RALGAPA1: variants seen among roughly 807,000 people sequenced by gnomAD.
RALGAPA1 encodes the protein ral GTPase-activating protein subunit alpha-1.
In RALGAPA1, 52 loss-of-function variants were observed where a neutral mutation model predicts 269.6. The observed-to-expected ratio is 0.19, with a 90% CI of 0.15 to 0.24. The LOEUF is 0.24. RALGAPA1 is among the 10% of genes least tolerant of loss of function. The pLI is 1.00. For missense variants in RALGAPA1, 1,917 were observed against 3,013.9 expected (o/e 0.64, Z 8.52); for synonymous variants, 817 against 1,008.3 (o/e 0.81, Z 3.60).
intron 41 of RALGAPA1, among the ~76,000 whole-genome samples, chr14:35,547,444 C>T (rs1311805184): frequency 6.6e-6 from 1 of 152,084 alleles, no homozygotes; most frequent in African/African-American, 2.4e-5. Flanking sequence ...GAGAACTGAA[C>T]AGCCTTTATC....
At chr14:35,620,282 C>G (rs1419435722) in intron 35 of RALGAPA1, among the ~76,000 whole-genome samples, 1 of 152,074 alleles carries the variant, frequency 6.6e-6, no homozygotes, top group Non-Finnish European at 1.5e-5. Flanking sequence ...TTAATAGATG[C>G]AGAAAAGGCC....
chr14:35,551,666 AATGTAGTAAAT>A (rs1396943080), intron 39 of RALGAPA1, among the ~76,000 whole-genome samples: 24 of 152,174 alleles, frequency 1.6e-4, no homozygotes. Flanking sequence ...GGATATTTCC[AATGTAGTAAAT>A]TCATCAAAGC....
chr14:35,675,486 C>A (rs1039392303), intron 22 of RALGAPA1, among the ~76,000 whole-genome samples: 1 of 152,168 alleles, frequency 6.6e-6, no homozygotes, highest in Non-Finnish European at 1.5e-5. Flanking sequence ...GAAAAATAAA[C>A]ATTTTAACTA....
chr14:35,595,282 C>T (rs1460424261), intron 37 of RALGAPA1, among the ~76,000 whole-genome samples: 5 of 151,852 alleles, frequency 3.3e-5, no homozygotes, highest in African/African-American at 4.8e-5. Flanking sequence ...TTTAGCTGTT[C>T]TTGTCATACA....
chr14:35,699,895 C>CAA (rs34255458), intron 17 of RALGAPA1, among the ~76,000 whole-genome samples: 4,655 of 76,258 alleles, frequency 0.061, 247 homozygotes, highest in African/African-American at 0.15. Context: ...AATCAAACAG[C>CAA]AAAAAAAAAA....
chr14:35,773,619 T>C (rs937714161), intron 3 of RALGAPA1, among the ~76,000 whole-genome samples: 4 of 152,144 alleles, frequency 2.6e-5, no homozygotes, highest in African/African-American at 9.6e-5. Flanking sequence ...CAAGAATCAT[T>C]AGCTTGCTTT....
At chr14:35,644,634 C>T (rs2062266364) in intron 31 of RALGAPA1, among the ~76,000 whole-genome samples, 1 of 152,056 alleles carries the variant, frequency 6.6e-6, no homozygotes, top group South Asian at 2.1e-4. Flanking sequence ...TAAACATATC[C>T]AGATAAATAA....
chr14:35,688,910 C>T lies in RALGAPA1; in HGVS notation c.3501G>A (p.Leu1167=). ...STESVQFYNP[L]ENKEAPWKMR... is the part of the protein sequence containing the mutation. ...TCTTCCATGGAGCCTCTTTGTTTTC[C>T]AGAGGATTATAAAACTGAACGGACT... The change falls in exon 18 of 42, where the codon CTG becomes CTA. Residue 1167 remains leucine, a synonymous_variant. Transcript: ENST00000680220. The T allele has an allele frequency of 7.9e-7, 1 of 1,261,500 alleles. No homozygotes were observed. Among genetic ancestry groups the T allele is most frequent in the African/African-American group, 1.5e-5 (1 of 65,778 alleles). 78.1% of individuals were successfully genotyped at this position (1,261,500 alleles called of 1,614,324 possible).
intron 1 of RALGAPA1, among the ~76,000 whole-genome samples, chr14:35,794,443 T>A (rs2076411846): frequency 6.6e-6 from 1 of 151,886 alleles, no homozygotes; most frequent in Admixed American, 6.6e-5. Context: ...ATCCATACTA[T>A]TTTTTTTGTT....
chr14:35,549,216 T>A lies in RALGAPA1; in HGVS notation c.7515A>T (p.Arg2505=). ...LYQNFYEERA[R]YLQTIVQHHL... ...GGTGCTGGACAATTGTTTGCAGGTA[T>A]CGTGCTCTCTCCTCATAGCTGATTT... The change falls in exon 40 of 42, where the codon CGA becomes CGT. Residue 2505 remains arginine (R), a synonymous_variant. Coordinates refer to ENST00000680220, the MANE Select transcript of RALGAPA1 (RefSeq NM_001346249.2). 2 of 1,613,094 alleles carry A rather than the reference T, an allele frequency of 1.2e-6. No individual in the cohort carries two copies. Among genetic ancestry groups the A allele is most frequent in the Non-Finnish European group, 1.7e-6 (2 of 1,179,290 alleles).
chr14:35,617,641 G>C (rs866496414), intron 35 of RALGAPA1, among the ~76,000 whole-genome samples: 3 of 82,368 alleles, frequency 3.6e-5, no homozygotes, highest in East Asian at 1.0e-3. Flanking sequence ...GTGGGGTGGG[G>C]GGGGGGGGGG....
At chr14:35,798,572 G>T (rs1046997693) in intron 1 of RALGAPA1, among the ~76,000 whole-genome samples, 3 of 152,172 alleles carry the variant, frequency 2.0e-5, no homozygotes, top group Admixed American at 6.5e-5. Context: ...AATGTCACAT[G>T]TATCCCATAA....
intron 1 of RALGAPA1, among the ~76,000 whole-genome samples, chr14:35,792,405 C>T (rs140806309): frequency 0.015 from 2,357 of 152,194 alleles, 50 homozygotes; most frequent in African/African-American, 0.052. Flanking sequence ...GATCCACCCG[C>T]CTCAGCCTCT....
At chr14:35,662,657 T>G (rs1041543290) in intron 27 of RALGAPA1, among the ~76,000 whole-genome samples, 1 of 152,160 alleles carries the variant, frequency 6.6e-6, no homozygotes, top group Non-Finnish European at 1.5e-5. Flanking sequence ...TAGTATATAG[T>G]AGGCGAGGCT....
At chr14:35,623,271 A>G (rs916988094) in intron 35 of RALGAPA1, among the ~76,000 whole-genome samples, 1 of 152,114 alleles carries the variant, frequency 6.6e-6, no homozygotes, top group Non-Finnish European at 1.5e-5. Context: ...TGAAAACTAA[A>G]CAACCAGGAA....
intron 35 of RALGAPA1, among the ~76,000 whole-genome samples, chr14:35,611,196 A>C (rs2059909317): frequency 6.6e-6 from 1 of 152,018 alleles, no homozygotes; most frequent in Non-Finnish European, 1.5e-5. Flanking sequence ...TGAGGCCAAG[A>C]GTTTAAGACC....
intron 1 of RALGAPA1, among the ~76,000 whole-genome samples, chr14:35,792,639 C>T (rs1353979678): frequency 6.6e-5 from 10 of 151,580 alleles, no homozygotes; most frequent in South Asian, 2.1e-4. Context: ...CAAAACTAGC[C>T]GGGTATGGCG....
chr14:35,593,028 T>C (rs2058727215), intron 37 of RALGAPA1, among the ~76,000 whole-genome samples: 3 of 152,056 alleles, frequency 2.0e-5, no homozygotes, highest in South Asian at 2.1e-4. Context: ...AAAAGAAATA[T>C]AAGGCATCCA....
intron 17 of RALGAPA1, among the ~76,000 whole-genome samples, chr14:35,699,467 T>C (rs923833436): frequency 6.6e-6 from 1 of 152,076 alleles, no homozygotes; most frequent in African/African-American, 2.4e-5. Flanking sequence ...TTTTATTACA[T>C]GTTAATTAAA....
Sources: gnomAD v4.1 joint callset for allele counts (sites outside exome capture counted in the v4.1 genomes callset) on GRCh38, gnomAD v4.1.1 for gene constraint, MANE v1.5 for transcripts, NCBI Gene and HGNC (gene_info 2026-07-23, HGNC 2026-07-21) for gene names.